Variants in SPINDOC observed in about 807,000 individuals in gnomAD.
SPINDOC encodes the protein spindlin interactor and repressor of chromatin-binding protein.
A neutral mutation model predicts 30.7 loss-of-function variants in SPINDOC; 13 were observed. That is an observed-to-expected ratio of 0.42 (90% confidence interval 0.28 to 0.67). SPINDOC has a LOEUF of 0.67. SPINDOC is among the 30% of genes least tolerant of loss of function. The pLI is 0.22. For missense variants in SPINDOC, 438 were observed against 518.0 expected, an observed-to-expected ratio of 0.85 and a Z score of 1.50; for synonymous variants, 228 against 211.4, an observed-to-expected ratio of 1.08 and a Z score of -0.68.
intron 1 of SPINDOC, 26 bp downstream of exon 1, chr11:63,813,839 C>A: frequency 6.7e-7 from 1 of 1,498,580 alleles, no homozygotes; most frequent in Non-Finnish European, 9.0e-7. Flanking sequence ...ATTCCACTTC[C>A]GCGTCACGGT....
rs1177131092 is a variant in SPINDOC at position 63,813,765 on chromosome 11, G to A, written c.79G>A (p.Glu27Lys). 2.5e-6 allele frequency: 4 copies of A among 1,593,730 alleles called. No homozygotes were observed. Among genetic ancestry groups the A allele is most frequent in the Non-Finnish European group, 3.4e-6 (4 of 1,171,220 alleles). The change falls in exon 1 of 6, where the codon GAG becomes AAG. Residue 27 changes from glutamate to lysine, a missense_variant. This residue lies in a region of SPINDOC where 129 missense variants were observed against 152.7 expected (regional missense o/e 0.84). Transcript: ENST00000294244. ...ATGCGAGGAAGGGGAGGACGAGGAG[G>A]AGGCCATGGTGGTGGCCGTAATTCC... is the stretch of plus-strand genomic sequence containing the variant. ...LKCEEGEDEE[E>K]AMVVAVIPRP...
chr11:63,825,528 G>T (rs1289976439), intron 5 of SPINDOC, among the ~76,000 whole-genome samples: 1 of 152,096 alleles, frequency 6.6e-6, no homozygotes, highest in Non-Finnish European at 1.5e-5. Context: ...TATTAGCTCT[G>T]ATAAATAGAA....
Position 63,818,214 on chromosome 11 carries a change from A to G in SPINDOC, c.458-2A>G. 6.2e-7 allele frequency: 1 copy of G among 1,614,100 alleles called. No homozygotes were observed. Among genetic ancestry groups the G allele is most frequent in the Non-Finnish European group, 8.5e-7 (1 of 1,180,004 alleles). ...AGCTCATTGTGCTCTTGCTCCCTGC[A>G]GACTCGGGCCAGGATGCCCACCCAG... is the stretch of plus-strand genomic sequence containing the variant. On this transcript the variant is annotated splice_acceptor_variant, in intron 2 of 5. Transcript: ENST00000294244. LOFTEE classifies it high-confidence loss of function. The surrounding 1 kb of genome is among the most constrained non-coding windows in gnomAD (Gnocchi z 5.3).
At chr11:63,822,953 G>C in intron 5 of SPINDOC, 2 of 1,193,934 alleles carry the variant, frequency 1.7e-6, no homozygotes, top group South Asian at 2.5e-5. Context: ...TGATCTGAGG[G>C]GGCGGAGGCA....
At chr11:63,814,609 C>T (rs1377501530) in intron 1 of SPINDOC, among the ~76,000 whole-genome samples, 1 of 152,196 alleles carries the variant, frequency 6.6e-6, no homozygotes, top group Admixed American at 6.5e-5. Context: ...TATTTCCATT[C>T]TCCCACCCCG....
At chr11:63,824,112 A>G (rs1222586421) in intron 5 of SPINDOC, among the ~76,000 whole-genome samples, 1 of 147,374 alleles carries the variant, frequency 6.8e-6, no homozygotes, top group Non-Finnish European at 1.5e-5. Context: ...GTCTCACCCT[A>G]TTGGCCAGGC....
intron 5 of SPINDOC, among the ~76,000 whole-genome samples, chr11:63,820,844 C>T (rs1482230073): frequency 1.5e-5 from 2 of 135,532 alleles, no homozygotes; most frequent in Non-Finnish European, 1.6e-5. Flanking sequence ...GAGTCGAGAT[C>T]GCGCCACTGC....
Position 63,820,718 on chromosome 11 carries a change from C to T in SPINDOC, c.934+1716C>T, listed in dbSNP as rs558545177. Reference sequence around the variant, plus strand: ...CATCCTGGCTAACACGGTGAAACCCCGTCTCTACTAAAAATACAAAAATTA... The same window carrying T: ...CATCCTGGCTAACACGGTGAAACCCTGTCTCTACTAAAAATACAAAAATTA... On this transcript the variant is annotated intron_variant, in intron 5 of 5. Coordinates refer to ENST00000294244, the MANE Select transcript of SPINDOC (RefSeq NM_138471.3). 9.9e-5 allele frequency among the ~76,000 whole-genome samples: 15 copies of T among 151,042 alleles called. No homozygotes were observed. The South Asian group carries it at 2.1e-3, about 21-fold the overall frequency.
chr11:63,813,659 G>C lies in SPINDOC; in HGVS notation c.-28G>C. The C allele has an allele frequency of 1.3e-6, 2 of 1,522,116 alleles. No homozygotes were observed. Among genetic ancestry groups the C allele is most frequent in the Non-Finnish European group, 1.8e-6 (2 of 1,136,378 alleles). 94.3% of individuals were successfully genotyped at this position (1,522,116 alleles called of 1,614,324 possible). On this transcript the variant is annotated 5_prime_UTR_variant, in exon 1 of 6. Coordinates refer to ENST00000294244, the MANE Select transcript of SPINDOC (RefSeq NM_138471.3). The stretch of plus-strand genomic sequence containing the variant: ...GCCGAAGCCTGCGCGCCAGTCCTCC[G>C]GCCACTGCTATCGCCCACGGCCGCA...
At chr11:63,814,859 G>A (rs184281882) in intron 1 of SPINDOC, among the ~76,000 whole-genome samples, 22 of 152,312 alleles carry the variant, frequency 1.4e-4, no homozygotes, top group African/African-American at 5.3e-4. Context: ...CATTGTCAGA[G>A]GCTGTCTCAG....
intron 1 of SPINDOC, among the ~76,000 whole-genome samples, chr11:63,816,647 G>A (rs1365088415): frequency 3.9e-5 from 6 of 152,186 alleles, no homozygotes; most frequent in Non-Finnish European, 8.8e-5. Flanking sequence ...AAGGTAGGAG[G>A]GAGATGCAGC....
Position 63,818,419 on chromosome 11 carries a change from G to A in SPINDOC, c.607+54G>A. On this transcript the variant is annotated intron_variant, in intron 3 of 5. Coordinates refer to ENST00000294244, the MANE Select transcript of SPINDOC (RefSeq NM_138471.3). This position sits in a 1 kb window ranked among gnomAD's most constrained non-coding sequence, Gnocchi z 5.3. ...CGGTGGAGGTGGGGGTTTGGGGACA[G>A]GGTGAAATACAGGCCCTGTGTTCTG... 1 of 1,608,580 alleles carries A rather than the reference G, an allele frequency of 6.2e-7. No homozygotes were observed. The highest frequency in any genetic ancestry group is 8.5e-7 in the Non-Finnish European group (1 of 1,177,822).
rs1168928705 is a variant in SPINDOC, at chr11:63,827,289, G to A, written c.*150G>A. On this transcript the variant is annotated 3_prime_UTR_variant, in exon 6 of 6. Coordinates refer to ENST00000294244, the MANE Select transcript of SPINDOC (RefSeq NM_138471.3). ...CTGGGGCAGCATCCACTGTTATTTC[G>A]GGGCACTGGAAAGTGTCTGTTCCTG... 11 of 1,384,086 alleles carry A rather than the reference G, an allele frequency of 7.9e-6. No individual in the cohort carries two copies. The highest frequency in any genetic ancestry group is 2.5e-4 in the Middle Eastern group (1 of 3,940). 85.7% of individuals were successfully genotyped at this position (1,384,086 alleles called of 1,614,324 possible).
chr11:63,827,041 A>C lies in SPINDOC; in HGVS notation c.1048A>C (p.Lys350Gln), dbSNP rs1332697130. 1 of 1,614,216 alleles carries C rather than the reference A, an allele frequency of 6.2e-7. No individual in the cohort carries two copies. The highest frequency in any genetic ancestry group is 8.5e-7 in the Non-Finnish European group (1 of 1,180,030). Residue 350 changes from lysine (K) to glutamine (Q), a missense_variant, in exon 6 of 6, where the codon AAG (lysine) becomes CAG (glutamine). Coordinates refer to ENST00000294244, the MANE Select transcript of SPINDOC (RefSeq NM_138471.3). ...QDWSRHPQGT[K>Q]RVGAGDTSDW... ...CTGGTCCAGGCACCCCCAGGGCACC[A>C]AGCGTGTGGGAGCAGGTGACACCTC...
intron 5 of SPINDOC, chr11:63,822,614 G>A (rs2015557835): frequency 2.3e-6 from 3 of 1,289,082 alleles, no homozygotes; most frequent in Non-Finnish European, 2.0e-6. Context: ...GTAGATCACA[G>A]TTTTAACTGT....
intron 5 of SPINDOC, chr11:63,823,180 G>T (rs990889640): frequency 3.9e-6 from 5 of 1,289,044 alleles, no homozygotes; most frequent in African/African-American, 3.0e-5. Context: ...AGGGGCCCCC[G>T]TGGCGGTTCT....
At chr11:63,816,048 G>C (rs2015331378) in intron 1 of SPINDOC, among the ~76,000 whole-genome samples, 2 of 152,180 alleles carry the variant, frequency 1.3e-5, no homozygotes, top group African/African-American at 4.8e-5. Context: ...ATTCAGGCGT[G>C]AGCCACCGCA....
Position 63,817,933 on chromosome 11 carries a change from A to C in SPINDOC, c.256A>C (p.Ser86Arg). 6.2e-7 allele frequency: 1 copy of C among 1,614,094 alleles called. No homozygotes were observed. Among genetic ancestry groups the C allele is most frequent in the Non-Finnish European group, 8.5e-7 (1 of 1,180,024 alleles). Residue 86 changes from serine (S) to arginine (R), a missense_variant, in exon 2 of 6, where the codon AGC (serine) becomes CGC (arginine). Physicochemically the swap from Ser to Arg is moderately radical, Grantham distance 110. Transcript: ENST00000294244. ...CCTGGTGGGCAGCAGCCCAGGAGGC[A>C]GCGGGCGGGCACTGTGCATGGTGTG... Reference protein sequence around the residue: ...EFLVGSSPGGSGRALCMVCGA... With the variant: ...EFLVGSSPGGRGRALCMVCGA...
intron 5 of SPINDOC, among the ~76,000 whole-genome samples, chr11:63,822,185 T>A (rs1247530102): frequency 6.6e-5 from 10 of 151,208 alleles, no homozygotes; most frequent in Non-Finnish European, 8.8e-5. Flanking sequence ...TCTAGAAAAA[T>A]TTTTTAAATT....
Sources: gnomAD v4.1 joint callset for allele counts (sites outside exome capture counted in the v4.1 genomes callset) on GRCh38, gnomAD v4.1.1 for gene constraint, gnomAD v4.1.1 regional missense constraint, Gnocchi (gnomAD v3.1) non-coding constraint, MANE v1.5 for transcripts, NCBI Gene and HGNC (gene_info 2026-07-23, HGNC 2026-07-21) for gene names.